Variants in STAG1 observed in about 807,000 individuals in gnomAD.
The protein encoded by STAG1 is STAG1 cohesin complex component.
In STAG1, 26 loss-of-function variants were observed where a neutral mutation model predicts 170.9. That is an observed-to-expected ratio of 0.15 (90% confidence interval 0.11 to 0.21). STAG1 has a LOEUF of 0.21. STAG1 is among the 10% of genes least tolerant of loss of function. The pLI is 1.00. For synonymous variants in STAG1, 514 were observed against 497.7 expected, an observed-to-expected ratio of 1.03 and a Z score of -0.44; for missense variants, 964 against 1,509.5, an observed-to-expected ratio of 0.64 and a Z score of 5.99.
intron 6 of STAG1, among the ~76,000 whole-genome samples, chr3:136,535,948 T>C (rs1227122387): frequency 6.6e-6 from 1 of 152,220 alleles, no homozygotes; most frequent in Non-Finnish European, 1.5e-5. Context: ...AATTAACAAA[T>C]ATAAATGTGA....
chr3:136,724,050 T>G (rs1289860215), intron 1 of STAG1, among the ~76,000 whole-genome samples: 1 of 149,802 alleles, frequency 6.7e-6, no homozygotes, highest in East Asian at 2.0e-4. Context: ...CGGCCGCCCC[T>G]ACTGGGAAGT....
intron 5 of STAG1, among the ~76,000 whole-genome samples, chr3:136,564,810 C>T (rs1407168799): frequency 6.6e-6 from 1 of 151,762 alleles, no homozygotes; most frequent in East Asian, 1.9e-4. Flanking sequence ...AAAACCAACC[C>T]ATACACAAAA....
chr3:136,417,585 T>C, intron 21 of STAG1: 1 of 254,124 alleles, frequency 3.9e-6, no homozygotes, highest in Non-Finnish European at 7.6e-6. Context: ...ATTTTCATTA[T>C]CCAAAGTTTT....
intron 22 of STAG1, among the ~76,000 whole-genome samples, chr3:136,383,575 G>A (rs757548518): frequency 6.6e-6 from 1 of 152,084 alleles, no homozygotes; most frequent in Non-Finnish European, 1.5e-5. Flanking sequence ...CTACTTGCCA[G>A]GCACTAATCT....
intron 1 of STAG1, among the ~76,000 whole-genome samples, chr3:136,681,850 A>T (rs1942346861): frequency 1.3e-5 from 2 of 152,188 alleles, no homozygotes; most frequent in Admixed American, 6.5e-5. Context: ...ACAATCAGCA[A>T]ATTAGTAATA....
rs140652823 is a variant in STAG1, at chr3:136,478,793, C to A, written c.903-1381G>T. ...ACATTTTTTGATAGTATCTTTTTCT[C>A]ATGGAGAGGCTGTACAACATAGTGG... On this transcript the variant is annotated intron_variant, in intron 9 of 33. Coordinates refer to ENST00000383202, the MANE Select transcript of STAG1 (RefSeq NM_005862.3). Among the ~76,000 whole-genome samples the A allele has an allele frequency of 6.5e-3, 988 of 152,202 alleles. 10 individuals carry two copies. Among genetic ancestry groups the A allele is most frequent in the African/African-American group, 0.023 (959 of 41,534 alleles).
intron 1 of STAG1, among the ~76,000 whole-genome samples, chr3:136,680,520 C>T (rs1191735345): frequency 4.0e-5 from 6 of 151,820 alleles, no homozygotes; most frequent in Admixed American, 6.6e-5. Context: ...TTGGGAGGCA[C>T]AGGGGCAGGG....
chr3:136,669,376 C>T (rs1456684343), intron 1 of STAG1, among the ~76,000 whole-genome samples: 1 of 151,978 alleles, frequency 6.6e-6, no homozygotes, highest in Non-Finnish European at 1.5e-5. Context: ...TTTTTTGAGA[C>T]GATGTCTTGC....
At chr3:136,437,919 G>T (rs2088505218) in intron 15 of STAG1, among the ~76,000 whole-genome samples, 1 of 152,072 alleles carries the variant, frequency 6.6e-6, no homozygotes, top group Non-Finnish European at 1.5e-5. Flanking sequence ...CAATGATTAT[G>T]TATTTTTCCA....
intron 1 of STAG1, among the ~76,000 whole-genome samples, chr3:136,651,408 T>C (rs1941213409): frequency 6.8e-6 from 1 of 147,702 alleles, no homozygotes. Flanking sequence ...TCATGTAAAG[T>C]AGATTAGATT....
At chr3:136,557,685 A>T (rs904336681) in intron 5 of STAG1, among the ~76,000 whole-genome samples, 3 of 151,892 alleles carry the variant, frequency 2.0e-5, no homozygotes, top group African/African-American at 7.3e-5. Flanking sequence ...TGGGATTACA[A>T]GTGCCCACCA....
intron 1 of STAG1, among the ~76,000 whole-genome samples, chr3:136,700,876 C>CTTTTTTT (rs35459362): frequency 4.0e-4 from 31 of 78,332 alleles, no homozygotes; most frequent in East Asian, 7.5e-4. Flanking sequence ...TATTTTTTTT[C>CTTTTTTT]TTTTTTTTTT....
Position 136,479,112 on chromosome 3 carries a change from A to C in STAG1, c.903-1700T>G, listed in dbSNP as rs1442505022. Among the ~76,000 whole-genome samples, 4 of 139,594 alleles carry C rather than the reference A, an allele frequency of 2.9e-5. No homozygotes were observed. The East Asian group carries it at 6.3e-4, about 22-fold the overall frequency. The allele number at this position is 139,594 out of a possible 152,430, so 91.6% of individuals were successfully genotyped here. ...TTTATTATACTTTAAGTTTTAGGGTACATGTGCACATTGTGCAGGTTAGTT... is the reference window on the plus strand; with the variant it reads ...TTTATTATACTTTAAGTTTTAGGGTCCATGTGCACATTGTGCAGGTTAGTT... On this transcript the variant is annotated intron_variant, in intron 9 of 33. Coordinates refer to ENST00000383202, the MANE Select transcript of STAG1 (RefSeq NM_005862.3).
intron 20 of STAG1, among the ~76,000 whole-genome samples, chr3:136,419,642 T>A (rs1348038028): frequency 3.0e-5 from 4 of 132,974 alleles, no homozygotes; most frequent in Non-Finnish European, 6.6e-5. Flanking sequence ...TTTTTTTTTT[T>A]AGCAGAGATG....
chr3:136,568,943 TTG>T (rs1937171190), intron 4 of STAG1, 82 bp from the exon 5 acceptor site: 3 of 967,608 alleles, frequency 3.1e-6, no homozygotes, highest in Non-Finnish European at 4.7e-6. Context: ...GTTTGTGTGT[TTG>T]TGTGTGTTTC....
chr3:136,608,351 GA>G (rs1387343825), intron 3 of STAG1, among the ~76,000 whole-genome samples: 1 of 151,414 alleles, frequency 6.6e-6, no homozygotes, highest in Non-Finnish European at 1.5e-5. Flanking sequence ...AGACCAGCCT[GA>G]GCAACATGGC....
intron 10 of STAG1, among the ~76,000 whole-genome samples, chr3:136,475,887 T>C (rs1168987470): frequency 1.3e-5 from 2 of 152,150 alleles, no homozygotes; most frequent in Non-Finnish European, 2.9e-5. Context: ...TTGGAAACAT[T>C]TATTTCCTTT....
At chr3:136,578,382 G>A (rs1408204240) in intron 4 of STAG1, among the ~76,000 whole-genome samples, 1 of 152,204 alleles carries the variant, frequency 6.6e-6, no homozygotes, top group Non-Finnish European at 1.5e-5. Flanking sequence ...TAGGTGGGCA[G>A]CCCACAAGAA....
At chr3:136,386,920 G>C (rs2108321726) in intron 22 of STAG1, among the ~76,000 whole-genome samples, 2 of 152,144 alleles carry the variant, frequency 1.3e-5, no homozygotes, top group Admixed American at 1.3e-4. Context: ...ATAGATTTTT[G>C]GAATGGGCAG....
Sources: allele counts gnomAD v4.1 joint callset (sites outside exome capture counted in the v4.1 genomes callset), GRCh38; gene constraint gnomAD v4.1.1; transcripts MANE v1.5; gene names NCBI Gene and HGNC (gene_info 2026-07-23, HGNC 2026-07-21).